Variants in CEP72 observed in about 807,000 individuals in gnomAD.
CEP72 encodes centrosomal protein of 72 kDa.
CEP72 carries 78 observed loss-of-function variants against 65.7 expected under a neutral mutation model. That is an observed-to-expected ratio of 1.19 (90% CI 0.99 to 1.43). The LOEUF is 1.43. Among genes scored for constraint, CEP72 ranks in the 40% most tolerant of loss-of-function variants. The pLI is 0.00. For synonymous variants in CEP72, 358 were observed against 351.7 expected, an observed-to-expected ratio of 1.02 and a Z score of -0.20; for missense variants, 914 against 832.9, an observed-to-expected ratio of 1.10 and a Z score of -1.20.
chr5:648,681 G>T (rs1208608127), intron 11 of CEP72, among the ~76,000 whole-genome samples: 4 of 132,406 alleles, frequency 3.0e-5, no homozygotes, highest in Non-Finnish European at 6.6e-5. Context: ...TGGACTGTGA[G>T]GCGTGACTGT....
chr5:627,164 G>A (rs192852570), intron 4 of CEP72, among the ~76,000 whole-genome samples: 1 of 152,232 alleles, frequency 6.6e-6, no homozygotes, highest in Admixed American at 6.5e-5. Context: ...CTATTGACTT[G>A]ATTTCTTTAA....
At chr5:619,791 C>T (rs1050596134) in intron 2 of CEP72, among the ~76,000 whole-genome samples, 2 of 152,186 alleles carry the variant, frequency 1.3e-5, no homozygotes, top group Non-Finnish European at 1.5e-5. Flanking sequence ...TGAAATTGTG[C>T]GTGCACATCA....
At chr5:619,260 C>T (rs905184795) in intron 2 of CEP72, 143 bp downstream of exon 2, 23 of 716,838 alleles carry the variant, frequency 3.2e-5, no homozygotes, top group African/African-American at 8.8e-5. Context: ...TTGTGTTTAC[C>T]GTGGGCTACA....
rs1246530801 is a variant in CEP72 at position 623,047 on chromosome 5, A to G, written c.404-1424A>G. On this transcript the variant is annotated intron_variant, in intron 3 of 11. Transcript: ENST00000264935. The surrounding 1 kb of genome is among the most constrained non-coding windows in gnomAD (Gnocchi z 5.3). ...CTCCCCTCTTAGTGTTTCTGTAGAGAAGGAGCGCGGCCGTCTCCCTCTTAG... is the reference window on the plus strand; with the variant it reads ...CTCCCCTCTTAGTGTTTCTGTAGAGGAGGAGCGCGGCCGTCTCCCTCTTAG... Among the ~76,000 whole-genome samples, 1 of 152,038 alleles carries G rather than the reference A, an allele frequency of 6.6e-6. No individual in the cohort carries two copies. The highest frequency in any genetic ancestry group is 2.4e-5 in the African/African-American group (1 of 41,358).
downstream of CEP72, among the ~76,000 whole-genome samples, chr5:671,235 C>T (rs370857133): frequency 5.8e-5 from 8 of 138,354 alleles, no homozygotes; most frequent in East Asian, 2.4e-4. Context: ...CCGGCCTTTT[C>T]GTTTTCCTGG....
At chr5:652,738 A>C (rs1441272223) in intron 11 of CEP72, among the ~76,000 whole-genome samples, 1 of 152,234 alleles carries the variant, frequency 6.6e-6, no homozygotes, top group Non-Finnish European at 1.5e-5. Flanking sequence ...CAGCTCATTC[A>C]TTCATTCCAT....
chr5:646,050 G>A (rs192539832), intron 10 of CEP72, among the ~76,000 whole-genome samples: 13 of 152,184 alleles, frequency 8.5e-5, no homozygotes, highest in East Asian at 1.9e-4. Flanking sequence ...CAGTGAATTC[G>A]GCTTCGTTAC....
At chr5:636,378 GCACA>G (rs1440441414) in intron 6 of CEP72, among the ~76,000 whole-genome samples, 1 of 152,114 alleles carries the variant, frequency 6.6e-6, no homozygotes, top group African/African-American at 2.4e-5. Flanking sequence ...TCTCACTAAT[GCACA>G]CACACTTTTA....
chr5:612,692 T>G, intron 1 of CEP72: 1 of 629,302 alleles, frequency 1.6e-6, no homozygotes, highest in Non-Finnish European at 2.0e-6. Flanking sequence ...GGGTCACTGG[T>G]TCCGTGACTG....
chr5:660,814 C>G (rs748869959), downstream of CEP72: 2 of 152,296 alleles, frequency 1.3e-5, no homozygotes, highest in Non-Finnish European at 2.9e-5. Context: ...AGGTGATGCC[C>G]ACGCAGGGCT....
In CEP72 at chr5:637,823, G is replaced by C. The variant is rs1436796800; in HGVS notation, c.1206+5G>C. 3.2e-6 allele frequency: 5 copies of C among 1,540,448 alleles called. No homozygotes were observed. Among genetic ancestry groups the C allele is most frequent in the Non-Finnish European group, 3.5e-6 (4 of 1,140,128 alleles). The stretch of plus-strand genomic sequence containing the variant: ...GGTGTGACCGACACCAGAGAGGTGA[G>C]AGAAGGGCTGGGGAGCAGCAGGCCC... On this transcript the variant is annotated splice_donor_5th_base_variant and intron_variant, in intron 7 of 11. Transcript: ENST00000264935.
At position 620,307 on chromosome 5, in the gene CEP72, T is replaced by C. The variant is rs200545476; in HGVS notation, c.403+46T>C. The C allele has an allele frequency of 5.2e-6, 8 of 1,549,020 alleles. 1 individual carries two copies. In the East Asian group the frequency reaches 1.8e-4, roughly 35 times the overall value. On this transcript the variant is annotated intron_variant, in intron 3 of 11. Transcript: ENST00000264935. ...CGCTCATGCTTTTGTCCCCGTGGGG[T>C]ATGGGAGTCGGGGAGTCGTAGTGGG... is the stretch of plus-strand genomic sequence containing the variant.
At chr5:627,548 G>A (rs1014654231) in intron 4 of CEP72, among the ~76,000 whole-genome samples, 1 of 152,118 alleles carries the variant, frequency 6.6e-6, no homozygotes, top group South Asian at 2.1e-4. Flanking sequence ...ACAGTTGCTA[G>A]CTGGGTTCTG....
chr5:659,522 T>G (rs1739494955), downstream of CEP72, among the ~76,000 whole-genome samples: 1 of 152,256 alleles, frequency 6.6e-6, no homozygotes, highest in African/African-American at 2.4e-5. Context: ...GCATTTTTTT[T>G]ATAGCAGCCT....
rs763789184 is a variant in CEP72, at chr5:637,743, C to T, written c.1131C>T (p.Asn377=). 10 of 1,612,662 alleles carry T rather than the reference C, an allele frequency of 6.2e-6. No individual in the cohort carries two copies. The highest frequency in any genetic ancestry group is 2.2e-5 in the East Asian group (1 of 44,850). The part of the protein sequence containing the change: ...LSRQDSSESR[N]GRTLSQPEAS... ...GACAGGACAGCTCAGAAAGCAGGAA[C>T]GGGAGGACCTTGTCTCAGCCTGAGG... The change falls in exon 7 of 12, where the codon AAC becomes AAT. Residue 377 remains asparagine, a synonymous_variant. Transcript: ENST00000264935.
intron 1 of CEP72, chr5:612,701 T>A: frequency 1.1e-6 from 1 of 882,646 alleles, no homozygotes; most frequent in Non-Finnish European, 1.4e-6. Context: ...GTTCCGTGAC[T>A]GGGGGTTACA....
At chr5:654,352 C>T (rs1404925992), downstream of CEP72, among the ~76,000 whole-genome samples, 1 of 136,696 alleles carries the variant, frequency 7.3e-6, no homozygotes, top group East Asian at 2.6e-4. Context: ...CGCGCACGCA[C>T]CCTGTGTGTG....
downstream of CEP72, among the ~76,000 whole-genome samples, chr5:653,998 CTGTG>C (rs960727548): frequency 1.4e-5 from 2 of 142,408 alleles, no homozygotes; most frequent in East Asian, 2.2e-4. Flanking sequence ...TGTGCCCTTG[CTGTG>C]TGTGTGTGCT....
At chr5:617,922 A>G (rs1354478910) in intron 1 of CEP72, among the ~76,000 whole-genome samples, 1 of 152,232 alleles carries the variant, frequency 6.6e-6, no homozygotes, top group African/African-American at 2.4e-5. Context: ...CCAGGAAAGT[A>G]TTGATGTATT....
Sources: allele counts gnomAD v4.1 joint callset (sites outside exome capture counted in the v4.1 genomes callset), GRCh38; gene constraint gnomAD v4.1.1; non-coding constraint Gnocchi (gnomAD v3.1); transcripts MANE v1.5; gene names NCBI Gene and HGNC (gene_info 2026-07-23, HGNC 2026-07-21).